Variants in ZNF654 observed in about 807,000 individuals in gnomAD.
The protein encoded by ZNF654 is melanoma-associated antigen.
ZNF654 carries 19 observed loss-of-function variants against 95.3 expected under a neutral mutation model. That is an observed-to-expected ratio of 0.20 (90% CI 0.14 to 0.29). The LOEUF is 0.29. ZNF654 is among the 10% of genes least tolerant of loss of function. The pLI is 1.00. For missense variants in ZNF654, 1,046 were observed against 1,341.0 expected (o/e 0.78, Z 3.44); for synonymous variants, 413 against 457.9 (o/e 0.90, Z 1.25).
intron 1 of ZNF654, among the ~76,000 whole-genome samples, chr3:88,066,069 T>C (rs1707181518): frequency 6.6e-6 from 1 of 152,214 alleles, no homozygotes. Context: ...GATACAAGAT[T>C]ATTTTGAGTA....
intron 1 of ZNF654, among the ~76,000 whole-genome samples, chr3:88,072,298 G>A (rs1707558870): frequency 6.6e-6 from 1 of 152,110 alleles, no homozygotes; most frequent in African/African-American, 2.4e-5. Flanking sequence ...CTCACTTTCA[G>A]TTTATTTTTT....
At chr3:88,102,217 G>A (rs1042779110) in intron 2 of ZNF654, among the ~76,000 whole-genome samples, 7 of 152,046 alleles carry the variant, frequency 4.6e-5, no homozygotes, top group Non-Finnish European at 7.4e-5. Context: ...GGATCTGTGG[G>A]CTTACAATTT....
chr3:88,129,576 A>G, intron 5 of ZNF654, 111 bp from the exon 6 acceptor site: 1 of 847,142 alleles, frequency 1.2e-6, no homozygotes, highest in South Asian at 2.4e-5. Context: ...TTGTCTTTGT[A>G]GAAGAAAACT....
At chr3:88,120,712 A>G (rs1042591012) in intron 3 of ZNF654, among the ~76,000 whole-genome samples, 1 of 152,212 alleles carries the variant, frequency 6.6e-6, no homozygotes, top group Admixed American at 6.5e-5. Context: ...TTACTTACGC[A>G]CATGTACTCA....
At chr3:88,112,262 A>G (rs1705136809) in intron 2 of ZNF654, among the ~76,000 whole-genome samples, 1 of 136,144 alleles carries the variant, frequency 7.3e-6, no homozygotes, top group African/African-American at 2.6e-5. Flanking sequence ...TCTATTAGTG[A>G]TTTGTTTTGA....
chr3:88,059,275 C>T lies in ZNF654; in HGVS notation c.-45C>T, dbSNP rs1397775381. Reference sequence around the variant, plus strand: ...AGGTTAGCCTAGGCATCTACGGCGGCGGCGGCGGCGCAGGGGCTGGTACGC... The same window carrying T: ...AGGTTAGCCTAGGCATCTACGGCGGTGGCGGCGGCGCAGGGGCTGGTACGC... On this transcript the variant is annotated 5_prime_UTR_variant, in exon 1 of 9. Transcript: ENST00000636215. 5.2e-6 allele frequency: 8 copies of T among 1,532,010 alleles called. No individual in the cohort carries two copies. The highest frequency in any genetic ancestry group is 2.7e-5 in the African/African-American group (2 of 73,016). The allele number at this position is 1,532,010 out of a possible 1,614,324, so 94.9% of individuals were successfully genotyped here. A position where few individuals can be genotyped will look rare whatever the true frequency, so the allele number is the denominator to read the frequency against.
At chr3:88,099,584 G>A (rs1704280586) in intron 2 of ZNF654, among the ~76,000 whole-genome samples, 1 of 152,130 alleles carries the variant, frequency 6.6e-6, no homozygotes, top group African/African-American at 2.4e-5. Flanking sequence ...ATACTACAAG[G>A]CTACAGTAAC....
rs1301138539 is a variant in ZNF654, at chr3:88,143,037, G to A, written c.*1385G>A. On this transcript the variant is annotated 3_prime_UTR_variant, in exon 9 of 9. Coordinates refer to ENST00000636215, the MANE Select transcript of ZNF654 (RefSeq NM_001350134.2). ...AACAAAAAGGCAGTGTTTCAAAACA[G>A]ATCTCCTAATGTCCCAATGTCAAAT... 2 of 152,218 alleles carry A rather than the reference G, an allele frequency of 1.3e-5. No homozygotes were observed. The highest frequency in any genetic ancestry group is 2.4e-5 in the African/African-American group (1 of 41,408). 9.4% of individuals were successfully genotyped at this position (152,218 alleles called of 1,614,324 possible). A position where few individuals can be genotyped will look rare whatever the true frequency, so the allele number is the denominator to read the frequency against.
chr3:88,074,163 A>C (rs1014390496), intron 1 of ZNF654, among the ~76,000 whole-genome samples: 2 of 152,130 alleles, frequency 1.3e-5, no homozygotes, highest in Non-Finnish European at 2.9e-5. Flanking sequence ...TAAGATCCCA[A>C]ATTCTTCCCC....
Position 88,143,628 on chromosome 3 carries a change from G to T in ZNF654, c.*1976G>T, listed in dbSNP as rs1164238245. On this transcript the variant is annotated 3_prime_UTR_variant, in exon 9 of 9. Transcript: ENST00000636215. ...ATTGATATAAATCCATGCCCACAAA[G>T]TATTCCATTTTCATTACTTTTACTG... The T allele has an allele frequency of 1.9e-4, 29 of 152,136 alleles. No individual in the cohort carries two copies. Among genetic ancestry groups the T allele is most frequent in the Admixed American group, 1.9e-3 (29 of 15,232 alleles). 9.4% of individuals were successfully genotyped at this position (152,136 alleles called of 1,614,324 possible).
rs756795164 is a variant in ZNF654, at chr3:88,140,830, G to C, written c.3161G>C (p.Ser1054Thr). Residue 1054 changes from serine (S) to threonine (T), a missense_variant, in exon 8 of 9, where the codon AGT becomes ACT. By Grantham distance (58) the Ser-to-Thr change is moderately conservative. This residue lies in a region of ZNF654 where 6 missense variants were observed against 31.0 expected (regional missense o/e 0.19). Coordinates refer to ENST00000636215, the MANE Select transcript of ZNF654 (RefSeq NM_001350134.2). The stretch of plus-strand genomic sequence containing the variant: ...CCATACGTCAGACCATTGCCTCCCA[G>C]TTACCTTGATGAACGGTATCTTAGT... The part of the protein sequence containing the change: ...TKPYVRPLPP[S>T]YLDERYLSMP... 1 of 1,613,610 alleles carries C rather than the reference G, an allele frequency of 6.2e-7. No homozygotes were observed. The highest frequency in any genetic ancestry group is 8.5e-7 in the Non-Finnish European group (1 of 1,179,714).
intron 3 of ZNF654, among the ~76,000 whole-genome samples, chr3:88,122,469 G>T (rs961959470): frequency 1.3e-5 from 2 of 152,134 alleles, no homozygotes; most frequent in Admixed American, 6.5e-5. Flanking sequence ...CTCTAAAATG[G>T]CAACCAGTTC....
At chr3:88,073,247 T>A (rs1173551357) in intron 1 of ZNF654, among the ~76,000 whole-genome samples, 3 of 152,142 alleles carry the variant, frequency 2.0e-5, no homozygotes, top group Non-Finnish European at 4.4e-5. Flanking sequence ...TTGTCACATT[T>A]TCCCAATGAG....
At chr3:88,129,386 A>G (rs1275373383) in intron 5 of ZNF654, among the ~76,000 whole-genome samples, 1 of 150,530 alleles carries the variant, frequency 6.6e-6, no homozygotes, top group South Asian at 2.1e-4. Flanking sequence ...ATAAAGTACT[A>G]GAGGTAAAAT....
intron 1 of ZNF654, among the ~76,000 whole-genome samples, chr3:88,063,548 A>C (rs2107587795): frequency 6.6e-6 from 1 of 152,338 alleles, no homozygotes; most frequent in Non-Finnish European, 1.5e-5. Context: ...TACTTATTAT[A>C]GCTCTATGAA....
At chr3:88,112,993 A>AT in intron 2 of ZNF654, 122 bp from the exon 3 acceptor site, 1 of 655,010 alleles carries the variant, frequency 1.5e-6, no homozygotes. Context: ...GTTCAGTACA[A>AT]TTTTTTAAAC....
chr3:88,081,950 G>T (rs1356778312), intron 1 of ZNF654, among the ~76,000 whole-genome samples: 2 of 152,058 alleles, frequency 1.3e-5, no homozygotes, highest in East Asian at 3.9e-4. Context: ...TACTGAAGGG[G>T]GTAAGACTAA....
intron 3 of ZNF654, among the ~76,000 whole-genome samples, chr3:88,113,963 G>A (rs1243939120): frequency 6.6e-6 from 1 of 152,060 alleles, no homozygotes; most frequent in African/African-American, 2.4e-5. Context: ...TGGAACTTAT[G>A]TTCCAATTAG....
At chr3:88,077,664 G>A (rs972683513) in intron 1 of ZNF654, among the ~76,000 whole-genome samples, 1 of 145,058 alleles carries the variant, frequency 6.9e-6, no homozygotes, top group African/African-American at 2.5e-5. Context: ...TAACACATAG[G>A]AAAGATAAAT....
Sources: gnomAD v4.1 joint callset for allele counts (sites outside exome capture counted in the v4.1 genomes callset) on GRCh38, gnomAD v4.1.1 for gene constraint, gnomAD v4.1.1 regional missense constraint, MANE v1.5 for transcripts, NCBI Gene and HGNC (gene_info 2026-07-23, HGNC 2026-07-21) for gene names.